KCNS3: variants seen among roughly 807,000 people sequenced by gnomAD.
The protein encoded by KCNS3 is potassium voltage-gated channel modifier subfamily S member 3.
A neutral mutation model predicts 31.0 loss-of-function variants in KCNS3; 13 were observed. The observed-to-expected ratio is 0.42, with a 90% CI of 0.27 to 0.67. KCNS3 has a LOEUF of 0.67. KCNS3 is among the 30% of genes least tolerant of loss of function. The probability of loss-of-function intolerance (pLI) is 0.25; values close to 1 mark genes in which losing one functional copy is unlikely to be tolerated. For synonymous variants in KCNS3, 238 were observed against 241.5 expected (o/e 0.99, Z 0.13); for missense variants, 545 against 622.4 (o/e 0.88, Z 1.32).
At chr2:17,886,320 C>A (rs1661653464) in intron 1 of KCNS3, among the ~76,000 whole-genome samples, 1 of 152,080 alleles carries the variant, frequency 6.6e-6, no homozygotes, top group Non-Finnish European at 1.5e-5. Context: ...ATGTAACTGG[C>A]CAAAGAGATG....
chr2:17,907,137 G>A (rs964468818), intron 1 of KCNS3, among the ~76,000 whole-genome samples: 3 of 152,128 alleles, frequency 2.0e-5, no homozygotes, highest in African/African-American at 4.8e-5. Context: ...ATGAATCTGG[G>A]TGCTCCTATA....
At chr2:17,881,057 C>T (rs1674634364) in intron 1 of KCNS3, among the ~76,000 whole-genome samples, 1 of 152,170 alleles carries the variant, frequency 6.6e-6, no homozygotes, top group Admixed American at 6.5e-5. Flanking sequence ...AGGCACTTTT[C>T]CAGGCATTAT....
chr2:17,931,228 T>G lies in KCNS3; in HGVS notation c.220T>G (p.Ser74Ala), dbSNP rs762883850. The part of the protein sequence containing the change: ...DKEYYFDRNP[S>A]LFRYVLNFYY... ...GGAGTACTACTTTGATCGGAATCCC[T>G]CCTTGTTCAGATATGTTTTGAATTT... Residue 74 changes from serine (S) to alanine (A), a missense_variant, in exon 3 of 3, where the codon TCC becomes GCC. Physicochemically the swap from Ser to Ala is moderately conservative, Grantham distance 99. Transcript: ENST00000304101. This position sits in a 1 kb window ranked among gnomAD's most constrained non-coding sequence, Gnocchi z 5.4. 7.4e-6 allele frequency: 12 copies of G among 1,614,120 alleles called. No individual in the cohort carries two copies. The highest frequency in any genetic ancestry group is 1.0e-5 in the Non-Finnish European group (12 of 1,180,002).
chr2:17,915,353 T>C (rs537821005), intron 1 of KCNS3, among the ~76,000 whole-genome samples: 2 of 152,258 alleles, frequency 1.3e-5, no homozygotes, highest in East Asian at 1.9e-4. Flanking sequence ...ATGGAAACGC[T>C]GGATGGGATT....
chr2:17,915,165 T>C (rs1662560194), intron 1 of KCNS3, among the ~76,000 whole-genome samples: 1 of 152,164 alleles, frequency 6.6e-6, no homozygotes, highest in African/African-American at 2.4e-5. Flanking sequence ...CAGAGAGTTT[T>C]GTGAAGAAAG....
At chr2:17,923,451 G>A (rs754040597) in intron 2 of KCNS3, among the ~76,000 whole-genome samples, 4 of 151,992 alleles carry the variant, frequency 2.6e-5, no homozygotes, top group Non-Finnish European at 4.4e-5. Flanking sequence ...AATTGATAGT[G>A]TCCTTTGAAG....
chr2:17,884,094 C>T (rs1435640815), intron 1 of KCNS3, among the ~76,000 whole-genome samples: 2 of 96,004 alleles, frequency 2.1e-5, no homozygotes, highest in Admixed American at 3.4e-4. Flanking sequence ...CATCACACAC[C>T]AGGGCCTGTT....
chr2:17,931,737 C>A lies in KCNS3; in HGVS notation c.729C>A (p.Ala243=). The change falls in exon 3 of 3, where the codon GCC becomes GCA. Residue 243 remains alanine, a synonymous_variant. Coordinates refer to ENST00000304101, the MANE Select transcript of KCNS3 (RefSeq NM_002252.5). This position sits in a 1 kb window ranked among gnomAD's most constrained non-coding sequence, Gnocchi z 5.4. The part of the protein sequence containing the change: ...FTGELAVRLA[A]APCQKKFWKN... ...GGGAGCTTGCCGTCCGGCTGGCTGC[C>A]GCTCCTTGTCAAAAGAAATTCTGGA... 6.2e-7 allele frequency: 1 copy of A among 1,613,924 alleles called. No homozygotes were observed.
At chr2:17,893,260 C>A (rs1661901642) in intron 1 of KCNS3, among the ~76,000 whole-genome samples, 1 of 152,172 alleles carries the variant, frequency 6.6e-6, no homozygotes, top group African/African-American at 2.4e-5. Context: ...CGGTCCCACT[C>A]CCACCCTGTC....
At chr2:17,893,531 A>T (rs1445248993) in intron 1 of KCNS3, among the ~76,000 whole-genome samples, 1 of 152,166 alleles carries the variant, frequency 6.6e-6, no homozygotes, top group African/African-American at 2.4e-5. Flanking sequence ...GGGCACCCTC[A>T]TGATGGATCC....
chr2:17,884,706 G>A (rs181117822), intron 1 of KCNS3, among the ~76,000 whole-genome samples: 69 of 152,278 alleles, frequency 4.5e-4, no homozygotes, highest in Non-Finnish European at 4.0e-4. Context: ...GGTTAGGGAT[G>A]TGAGTCCAGC....
chr2:17,904,175 A>C (rs528205424), intron 1 of KCNS3, among the ~76,000 whole-genome samples: 1 of 152,156 alleles, frequency 6.6e-6, no homozygotes, highest in East Asian at 1.9e-4. Context: ...ATGGTATCTC[A>C]TTGTGGTTTT....
intron 2 of KCNS3, among the ~76,000 whole-genome samples, chr2:17,928,143 G>GT (rs1334589989): frequency 6.6e-6 from 1 of 152,162 alleles, no homozygotes; most frequent in Non-Finnish European, 1.5e-5. Flanking sequence ...TATCTAATTT[G>GT]TGGACATATG....
rs758335586 is a variant in KCNS3 at position 17,932,514 on chromosome 2, C to A, written c.*30C>A. On this transcript the variant is annotated 3_prime_UTR_variant, in exon 3 of 3. Transcript: ENST00000304101. ...GGGTGTTTGTGCCTGTTTCTCTTAT[C>A]CTTTCCCGACATTAGGTTAACACAG... is the stretch of plus-strand genomic sequence containing the variant. The A allele has an allele frequency of 6.3e-7, 1 of 1,576,718 alleles. No individual in the cohort carries two copies. The highest frequency in any genetic ancestry group is 8.6e-7 in the Non-Finnish European group (1 of 1,163,378).
chr2:17,888,635 A>ATATCTATCTATC lies in KCNS3; in HGVS notation c.-252+9832_-252+9833insCTATCTATCTAT, dbSNP rs1558446959. Among the ~76,000 whole-genome samples the ATATCTATCTATC allele has an allele frequency of 4.9e-4, 14 of 28,520 alleles. 1 individual carries two copies. In the East Asian group the frequency reaches 9.9e-3, roughly 20 times the overall value. 18.7% of individuals were successfully genotyped at this position (28,520 alleles called of 152,430 possible). A position where few individuals can be genotyped will look rare whatever the true frequency, so the allele number is the denominator to read the frequency against. ...AAAGTATAATAAAAAAAATGTATAT[A>ATATCTATCTATC]TATATATATATATATATATATATAT... On this transcript the variant is annotated intron_variant, in intron 1 of 2. Transcript: ENST00000304101.
chr2:17,885,959 G>T (rs925090802), intron 1 of KCNS3, among the ~76,000 whole-genome samples: 1 of 152,164 alleles, frequency 6.6e-6, no homozygotes, highest in African/African-American at 2.4e-5. Flanking sequence ...TGATCAATTT[G>T]TAGTTGTAGG....
At chr2:17,916,245 A>G (rs1182778951) in intron 1 of KCNS3, among the ~76,000 whole-genome samples, 1 of 152,200 alleles carries the variant, frequency 6.6e-6, no homozygotes, top group Non-Finnish European at 1.5e-5. Flanking sequence ...TGTGTGTGCT[A>G]TATCCTTTTA....
At chr2:17,921,901 A>ATGTGTG (rs370610132) in intron 2 of KCNS3, among the ~76,000 whole-genome samples, 1 of 74,132 alleles carries the variant, frequency 1.3e-5, no homozygotes. Context: ...TTTCATATAT[A>ATGTGTG]TGTGTGTGTG....
intron 1 of KCNS3, among the ~76,000 whole-genome samples, chr2:17,891,570 A>G (rs1027310728): frequency 2.6e-5 from 4 of 151,898 alleles, no homozygotes; most frequent in Non-Finnish European, 4.4e-5. Flanking sequence ...TGTTTCCAGG[A>G]TTTGTTTCAA....
Sources: allele counts gnomAD v4.1 joint callset (sites outside exome capture counted in the v4.1 genomes callset), GRCh38; gene constraint gnomAD v4.1.1; non-coding constraint Gnocchi (gnomAD v3.1); transcripts MANE v1.5; gene names NCBI Gene and HGNC (gene_info 2026-07-23, HGNC 2026-07-21).